Variants in FRS2 observed in about 807,000 individuals in gnomAD.
The protein encoded by FRS2 is fibroblast growth factor receptor substrate 2.
A neutral mutation model predicts 43.9 loss-of-function variants in FRS2; 8 were observed. That is an observed-to-expected ratio of 0.18 (90% CI 0.11 to 0.33). The LOEUF (loss-of-function observed/expected upper bound fraction) is 0.33, where lower values mean the gene tolerates loss of function less well. FRS2 is among the 10% of genes least tolerant of loss of function. The pLI, the probability that FRS2 is intolerant of heterozygous loss-of-function variation, is 1.00. For missense variants in FRS2, 534 were observed against 627.6 expected, an observed-to-expected ratio of 0.85 and a Z score of 1.59; for synonymous variants, 219 against 220.3, an observed-to-expected ratio of 0.99 and a Z score of 0.05.
intron 1 of FRS2, among the ~76,000 whole-genome samples, chr12:69,494,455 G>C (rs1477317053): frequency 6.6e-6 from 1 of 152,132 alleles, no homozygotes; most frequent in East Asian, 1.9e-4. Flanking sequence ...TATATAATTT[G>C]CTGCAGCTCA....
At chr12:69,487,431 T>G (rs1470489457) in intron 1 of FRS2, among the ~76,000 whole-genome samples, 1 of 152,162 alleles carries the variant, frequency 6.6e-6, no homozygotes. Context: ...AACAATAAAG[T>G]CTGGATAACA....
chr12:69,563,526 C>G (rs1880034886), intron 4 of FRS2, among the ~76,000 whole-genome samples: 1 of 152,134 alleles, frequency 6.6e-6, no homozygotes, highest in Non-Finnish European at 1.5e-5. Context: ...CCTGTATTGC[C>G]AACATACTTT....
chr12:69,498,585 T>C (rs1379785239), intron 1 of FRS2, among the ~76,000 whole-genome samples: 1 of 149,688 alleles, frequency 6.7e-6, no homozygotes, highest in Non-Finnish European at 1.5e-5. Flanking sequence ...TTTTTTTAGC[T>C]CATCAGCTCT....
At chr12:69,569,331 G>A (rs2135803742) in intron 5 of FRS2, among the ~76,000 whole-genome samples, 1 of 152,120 alleles carries the variant, frequency 6.6e-6, no homozygotes, top group Non-Finnish European at 1.5e-5. Flanking sequence ...TGGTAATACT[G>A]TTTTTAAAAT....
intron 3 of FRS2, among the ~76,000 whole-genome samples, chr12:69,535,310 T>C (rs1261141790): frequency 2.6e-5 from 4 of 152,252 alleles, no homozygotes; most frequent in African/African-American, 9.6e-5. Flanking sequence ...CAGGCGTTGA[T>C]GTAGATACTT....
Position 69,575,056 on chromosome 12 carries a change from T to G in FRS2, c.*101T>G, listed in dbSNP as rs560832410. 19 of 741,838 alleles carry G rather than the reference T, an allele frequency of 2.6e-5. No homozygotes were observed. Among genetic ancestry groups the G allele is most frequent in the Non-Finnish European group, 3.4e-5 (15 of 446,524 alleles). The allele number at this position is 741,838 out of a possible 1,614,324, so 46.0% of individuals were successfully genotyped here. ...CTAAACACTAACTCCTTTTATAGAC[T>G]GATAAAATTTTTTTCTGAATATTTC... is the stretch of plus-strand genomic sequence containing the variant. On this transcript the variant is annotated 3_prime_UTR_variant, in exon 9 of 9. Coordinates refer to ENST00000549921, the MANE Select transcript of FRS2 (RefSeq NM_001278356.2).
chr12:69,492,472 T>A (rs1872565176), intron 1 of FRS2, among the ~76,000 whole-genome samples: 1 of 152,130 alleles, frequency 6.6e-6, no homozygotes, highest in Admixed American at 6.6e-5. Context: ...TCAGGAAGAT[T>A]TATGGAATCT....
intron 1 of FRS2, among the ~76,000 whole-genome samples, chr12:69,512,173 G>A (rs1874522171): frequency 6.6e-6 from 1 of 152,060 alleles, no homozygotes; most frequent in Non-Finnish European, 1.5e-5. Context: ...TCTCTTTTGG[G>A]TTTCATGTAC....
intron 1 of FRS2, among the ~76,000 whole-genome samples, chr12:69,506,474 C>T (rs2135558967): frequency 6.6e-6 from 1 of 152,064 alleles, no homozygotes; most frequent in East Asian, 1.9e-4. Context: ...GATATGTATT[C>T]TGTTTTTTTT....
chr12:69,527,924 T>C (rs553312931), intron 1 of FRS2, among the ~76,000 whole-genome samples: 1 of 152,362 alleles, frequency 6.6e-6, no homozygotes, highest in Admixed American at 6.5e-5. Context: ...TTCTTTGTAC[T>C]CTTGGTTTAT....
At chr12:69,568,008 G>GCTT (rs1880438734) in intron 4 of FRS2, among the ~76,000 whole-genome samples, 1 of 152,142 alleles carries the variant, frequency 6.6e-6, no homozygotes, top group Non-Finnish European at 1.5e-5. Context: ...TAGCTTCTGT[G>GCTT]CTTCCTTCCC....
intron 5 of FRS2, among the ~76,000 whole-genome samples, chr12:69,569,938 A>G (rs1159771759): frequency 1.3e-5 from 2 of 152,034 alleles, no homozygotes; most frequent in Non-Finnish European, 2.9e-5. Flanking sequence ...ATGTCCCTTT[A>G]TCTCCTGACC....
chr12:69,578,641 A>G lies in FRS2; in HGVS notation c.*3686A>G, dbSNP rs1277816082. Reference sequence around the variant, plus strand: ...CCAGTGTGCCACATTTGCATTAGTAATGCAAAATATACATTTTATAAAGGA... The same window carrying G: ...CCAGTGTGCCACATTTGCATTAGTAGTGCAAAATATACATTTTATAAAGGA... On this transcript the variant is annotated 3_prime_UTR_variant, in exon 9 of 9. Transcript: ENST00000549921. 1 of 152,646 alleles carries G rather than the reference A, an allele frequency of 6.6e-6. No individual in the cohort carries two copies. The highest frequency in any genetic ancestry group is 2.4e-5 in the African/African-American group (1 of 41,464). The allele number at this position is 152,646 out of a possible 1,614,324, so 9.5% of individuals were successfully genotyped here. A position where few individuals can be genotyped will look rare whatever the true frequency, so the allele number is the denominator to read the frequency against.
chr12:69,524,001 G>A (rs1875947488), intron 1 of FRS2, among the ~76,000 whole-genome samples: 1 of 152,204 alleles, frequency 6.6e-6, no homozygotes, highest in African/African-American at 2.4e-5. Context: ...GTGGACTGTG[G>A]CAAGGTGCTA....
At chr12:69,493,737 C>CA (rs1401899247) in intron 1 of FRS2, among the ~76,000 whole-genome samples, 1 of 152,026 alleles carries the variant, frequency 6.6e-6, no homozygotes, top group Non-Finnish European at 1.5e-5. Flanking sequence ...CAAAACAAAA[C>CA]AAAAAAGAAA....
At chr12:69,568,447 G>A (rs530262735) in intron 4 of FRS2, among the ~76,000 whole-genome samples, 9 of 152,148 alleles carry the variant, frequency 5.9e-5, no homozygotes, top group Middle Eastern at 3.4e-3. Context: ...AGCTACTCAG[G>A]AGGCTGAGGC....
intron 3 of FRS2, among the ~76,000 whole-genome samples, chr12:69,552,922 G>A (rs1181506870): frequency 6.6e-6 from 1 of 151,576 alleles, no homozygotes; most frequent in African/African-American, 2.4e-5. Flanking sequence ...AAAAAGGAAT[G>A]CATATAAATG....
At chr12:69,474,109 G>A (rs762601860) in intron 1 of FRS2, among the ~76,000 whole-genome samples, 72 of 152,274 alleles carry the variant, frequency 4.7e-4, no homozygotes, top group Non-Finnish European at 7.4e-4. Context: ...CCAAAGTGCT[G>A]GGATTACAGG....
intron 1 of FRS2, among the ~76,000 whole-genome samples, chr12:69,514,831 CAA>C (rs5798938): frequency 5.7e-4 from 83 of 145,992 alleles, no homozygotes; most frequent in Middle Eastern, 3.5e-3. Context: ...GACTGTGTCT[CAA>C]AAAAAAAAAA....
Sources: gnomAD v4.1 joint callset for allele counts (sites outside exome capture counted in the v4.1 genomes callset) on GRCh38, gnomAD v4.1.1 for gene constraint, MANE v1.5 for transcripts, NCBI Gene and HGNC (gene_info 2026-07-23, HGNC 2026-07-21) for gene names.